Variants in EVC observed in about 807,000 individuals in gnomAD.
The protein encoded by EVC is evC complex member EVC.
A neutral mutation model predicts 118.9 loss-of-function variants in EVC; 116 were observed. That is an observed-to-expected ratio of 0.98 (90% confidence interval 0.84 to 1.14). The LOEUF (loss-of-function observed/expected upper bound fraction) is 1.14. EVC is among the 50% of genes most tolerant of loss of function. The pLI is 0.00. For missense variants in EVC, 1,401 were observed against 1,246.4 expected (o/e 1.12, Z -1.87); for synonymous variants, 619 against 534.7 (o/e 1.16, Z -2.18).
At chr4:5,776,727 C>A (rs117946192) in intron 11 of EVC, among the ~76,000 whole-genome samples, 1 of 152,110 alleles carries the variant, frequency 6.6e-6, no homozygotes, top group Non-Finnish European at 1.5e-5. Context: ...CTGCTAGTTT[C>A]TTCTGATCTA....
At chr4:5,802,277 CAT>C (rs1396261140) in intron 16 of EVC, among the ~76,000 whole-genome samples, 183 bp downstream of exon 16, 1 of 152,218 alleles carries the variant, frequency 6.6e-6, no homozygotes, top group African/African-American at 2.4e-5. Flanking sequence ...CTTAAAGAAA[CAT>C]ATGCATAAGC....
At position 5,809,626 on chromosome 4, in the gene EVC, C is replaced by G. The variant is rs373862588; in HGVS notation, c.2782+15C>G. 97 of 1,612,006 alleles carry G rather than the reference C, an allele frequency of 6.0e-5. No individual in the cohort carries two copies. The African/African-American group carries it at 1.1e-3, about 19-fold the overall frequency. ...TGGGCTGCTAGGTGAGTCACAGATGCTTGAGTTGCAGCGGGAAGCACTCTG... is the reference window on the plus strand; with the variant it reads ...TGGGCTGCTAGGTGAGTCACAGATGGTTGAGTTGCAGCGGGAAGCACTCTG... On this transcript the variant is annotated intron_variant, in intron 19 of 20. Coordinates refer to ENST00000264956, the MANE Select transcript of EVC (RefSeq NM_153717.3).
intron 8 of EVC, among the ~76,000 whole-genome samples, chr4:5,751,334 C>T (rs1183355908): frequency 1.3e-5 from 2 of 152,208 alleles, no homozygotes; most frequent in African/African-American, 4.8e-5. Context: ...GCCACTCTCT[C>T]CACTTCCATC....
chr4:5,775,387 C>T (rs1309466509), intron 11 of EVC, among the ~76,000 whole-genome samples: 2 of 152,158 alleles, frequency 1.3e-5, no homozygotes, highest in African/African-American at 4.8e-5. Flanking sequence ...TCCTCCCCAT[C>T]CTAACACCCT....
chr4:5,757,129 C>A (rs1291157296), intron 11 of EVC, among the ~76,000 whole-genome samples: 1 of 152,220 alleles, frequency 6.6e-6, no homozygotes, highest in African/African-American at 2.4e-5. Context: ...CATAATTCTT[C>A]TTCATGGTGT....
chr4:5,795,669 CAAAG>C (rs1394634015), intron 13 of EVC, among the ~76,000 whole-genome samples: 3 of 152,066 alleles, frequency 2.0e-5, no homozygotes, highest in South Asian at 2.1e-4. Context: ...AATAAACAAA[CAAAG>C]AAGAGGATGG....
intron 11 of EVC, among the ~76,000 whole-genome samples, chr4:5,781,501 G>C (rs1735589237): frequency 6.6e-6 from 1 of 152,058 alleles, no homozygotes; most frequent in Non-Finnish European, 1.5e-5. Flanking sequence ...AGTCCATTCT[G>C]GGTGTAAAAG....
At chr4:5,715,802 A>C (rs2151814300) in intron 1 of EVC, among the ~76,000 whole-genome samples, 1 of 129,662 alleles carries the variant, frequency 7.7e-6, no homozygotes, top group South Asian at 2.5e-4. Context: ...GGAGTGCAGT[A>C]GTGCAATCTC....
intron 16 of EVC, among the ~76,000 whole-genome samples, chr4:5,804,490 C>T (rs1196930083): frequency 1.3e-5 from 2 of 152,148 alleles, no homozygotes; most frequent in Non-Finnish European, 2.9e-5. Context: ...TCTCCTGATA[C>T]AAGAAAGCTA....
rs1577454860 is a variant in EVC, at chr4:5,756,486, T to G, written c.1563+124T>G. 4 of 780,714 alleles carry G rather than the reference T, an allele frequency of 5.1e-6. No homozygotes were observed. The East Asian group carries it at 1.1e-4, about 21-fold the overall frequency. 48.4% of individuals were successfully genotyped at this position (780,714 alleles called of 1,614,324 possible). On this transcript the variant is annotated intron_variant, in intron 11 of 20. Transcript: ENST00000264956. The surrounding 1 kb of genome is among the most constrained non-coding windows in gnomAD (Gnocchi z 4.2). ...GTCCAACCCCGCACTCATTGGCCGG[T>G]GATCCACGCAGGCTGTGTCCCCTCC...
chr4:5,759,565 C>A (rs556546888), intron 11 of EVC, among the ~76,000 whole-genome samples: 1 of 152,170 alleles, frequency 6.6e-6, no homozygotes, highest in African/African-American at 2.4e-5. Flanking sequence ...TTATTGGATT[C>A]TCACCCATCC....
At chr4:5,807,309 C>T (rs780967038) in intron 17 of EVC, among the ~76,000 whole-genome samples, 3 of 152,054 alleles carry the variant, frequency 2.0e-5, no homozygotes, top group Non-Finnish European at 4.4e-5. Context: ...TTGTAGGGTG[C>T]ACAGGAATTT....
Position 5,731,457 on chromosome 4 carries a change from G to T in EVC, c.417G>T (p.Leu139=). Residue 139 remains leucine (L), a synonymous_variant, in exon 4 of 21, where the codon CTG becomes CTT. Coordinates refer to ENST00000264956, the MANE Select transcript of EVC (RefSeq NM_153717.3). The surrounding 1 kb of genome is among the most constrained non-coding windows in gnomAD (Gnocchi z 5.6). ...CCGATGGCTCCTCCAACCCGTCTCT[G>T]CATGAAAACTTAAAGCAGGCTGTTT... is the stretch of plus-strand genomic sequence containing the variant. ...PLADGSSNPS[L]HENLKQAVLP... 2.5e-6 allele frequency: 4 copies of T among 1,613,340 alleles called. No individual in the cohort carries two copies. Among genetic ancestry groups the T allele is most frequent in the Non-Finnish European group, 3.4e-6 (4 of 1,179,902 alleles).
intron 11 of EVC, among the ~76,000 whole-genome samples, chr4:5,778,534 A>G (rs1735075129): frequency 6.6e-6 from 1 of 152,094 alleles, no homozygotes; most frequent in African/African-American, 2.4e-5. Context: ...TGCCATTCTA[A>G]CTGGTGTGAG....
chr4:5,780,743 G>T (rs1735474159), intron 11 of EVC, among the ~76,000 whole-genome samples: 1 of 152,184 alleles, frequency 6.6e-6, no homozygotes, highest in Non-Finnish European at 1.5e-5. Context: ...CTCTTCTGGG[G>T]TCCGTAAGAT....
chr4:5,776,085 C>T (rs998242143), intron 11 of EVC, among the ~76,000 whole-genome samples: 1 of 151,876 alleles, frequency 6.6e-6, no homozygotes, highest in Non-Finnish European at 1.5e-5. Context: ...GTGTGTTTCT[C>T]ATGCATAGAA....
At chr4:5,712,865 G>T (rs938852120) in intron 1 of EVC, among the ~76,000 whole-genome samples, 1 of 152,186 alleles carries the variant, frequency 6.6e-6, no homozygotes, top group African/African-American at 2.4e-5. Flanking sequence ...GGTGTCCTGT[G>T]CAATGTTTAT....
At chr4:5,748,787 T>G (rs1218619501) in intron 8 of EVC, among the ~76,000 whole-genome samples, 15 of 109,392 alleles carry the variant, frequency 1.4e-4, no homozygotes, top group Admixed American at 2.9e-4. Flanking sequence ...CACCCATCCA[T>G]CCATCCATCC....
the EVC span, chr4:5,824,216 G>C: frequency 8.3e-6 from 7 of 843,670 alleles, no homozygotes; most frequent in Non-Finnish European, 1.0e-5. Context: ...GAGAGCTTGT[G>C]TCTTGTTGCA....
Sources: allele counts gnomAD v4.1 joint callset (sites outside exome capture counted in the v4.1 genomes callset), GRCh38; gene constraint gnomAD v4.1.1; non-coding constraint Gnocchi (gnomAD v3.1); transcripts MANE v1.5; gene names NCBI Gene and HGNC (gene_info 2026-07-23, HGNC 2026-07-21).